FGF12: variants seen among roughly 807,000 people sequenced by gnomAD.
FGF12 encodes the protein fibroblast growth factor 12B.
FGF12 carries 14 observed loss-of-function variants against 23.6 expected under a neutral mutation model. The observed-to-expected ratio is 0.59, with a 90% CI of 0.39 to 0.93. The LOEUF is 0.93. Ranked by LOEUF, FGF12 falls within the 40% of genes least tolerant of loss-of-function variation. The pLI, the probability that FGF12 is intolerant of heterozygous loss-of-function variation, is 0.00. For missense variants in FGF12, 175 were observed against 217.8 expected (o/e 0.80, Z 1.24); for synonymous variants, 62 against 77.3 (o/e 0.80, Z 1.04).
chr3:192,223,472 A>T (rs1318946304), intron 4 of FGF12, among the ~76,000 whole-genome samples: 2 of 152,196 alleles, frequency 1.3e-5, no homozygotes, highest in Non-Finnish European at 2.9e-5. Context: ...TATAATCCAG[A>T]TCATGAGATC....
intron 4 of FGF12, among the ~76,000 whole-genome samples, chr3:192,304,571 A>G (rs1019256891): frequency 1.3e-5 from 2 of 152,038 alleles, no homozygotes; most frequent in East Asian, 3.9e-4. Flanking sequence ...CTCAATTCTC[A>G]CTCAACTCCA....
intron 2 of FGF12, among the ~76,000 whole-genome samples, chr3:192,682,253 T>C (rs1717557125): frequency 6.6e-6 from 1 of 152,198 alleles, no homozygotes; most frequent in South Asian, 2.1e-4. Flanking sequence ...TTATCTGCTA[T>C]AAGCCCCTGA....
At chr3:192,548,027 A>T (rs1725539253) in intron 2 of FGF12, among the ~76,000 whole-genome samples, 1 of 152,190 alleles carries the variant, frequency 6.6e-6, no homozygotes, top group Admixed American at 6.5e-5. Context: ...AAACTTTCCA[A>T]CTACTACAGG....
chr3:192,305,541 C>T (rs1256174796), intron 4 of FGF12, among the ~76,000 whole-genome samples: 3 of 151,764 alleles, frequency 2.0e-5, no homozygotes, highest in Non-Finnish European at 2.9e-5. Flanking sequence ...AGACACACAC[C>T]TCAGCCAATA....
chr3:192,234,813 C>T (rs545182193), intron 4 of FGF12, among the ~76,000 whole-genome samples: 31 of 152,140 alleles, frequency 2.0e-4, no homozygotes, highest in Non-Finnish European at 3.8e-4. Context: ...TAATTTTTGC[C>T]TTTAGCTCTG....
chr3:192,467,281 C>T (rs1461096538), intron 2 of FGF12, among the ~76,000 whole-genome samples: 2 of 152,210 alleles, frequency 1.3e-5, no homozygotes, highest in Non-Finnish European at 2.9e-5. Flanking sequence ...AGGCAGTTCA[C>T]TCTCCCTCTA....
At chr3:192,239,690 G>A (rs1719496403) in intron 4 of FGF12, among the ~76,000 whole-genome samples, 1 of 152,192 alleles carries the variant, frequency 6.6e-6, no homozygotes, top group South Asian at 2.1e-4. Context: ...TCTAGGCTGA[G>A]CGCTGTTGGT....
chr3:192,217,605 T>C (rs941976136), intron 4 of FGF12, among the ~76,000 whole-genome samples: 3 of 152,232 alleles, frequency 2.0e-5, no homozygotes, highest in African/African-American at 7.2e-5. Context: ...ATAATGGTTT[T>C]ATGAATAACT....
chr3:192,682,991 C>A (rs1717590431), intron 2 of FGF12, among the ~76,000 whole-genome samples: 1 of 152,164 alleles, frequency 6.6e-6, no homozygotes, highest in Non-Finnish European at 1.5e-5. Context: ...CATAAAAGCT[C>A]AATATTTGAA....
At chr3:192,699,687 C>G (rs1286653859) in intron 2 of FGF12, among the ~76,000 whole-genome samples, 1 of 152,170 alleles carries the variant, frequency 6.6e-6, no homozygotes, top group African/African-American at 2.4e-5. Context: ...AGCTTGACCT[C>G]CCATTCCAAT....
At chr3:192,700,519 A>G (rs902322616) in intron 2 of FGF12, among the ~76,000 whole-genome samples, 4 of 152,214 alleles carry the variant, frequency 2.6e-5, no homozygotes, top group African/African-American at 9.6e-5. Context: ...TCTGACCACC[A>G]TATCTCCTTG....
chr3:192,565,023 C>T (rs1181132482), intron 2 of FGF12, among the ~76,000 whole-genome samples: 2 of 152,170 alleles, frequency 1.3e-5, no homozygotes, highest in Non-Finnish European at 2.9e-5. Context: ...CTACATAAAA[C>T]ATTTTGAACA....
At chr3:192,614,149 C>T (rs1379459861) in intron 2 of FGF12, among the ~76,000 whole-genome samples, 1 of 151,924 alleles carries the variant, frequency 6.6e-6, no homozygotes, top group African/African-American at 2.4e-5. Flanking sequence ...ATCCCTACCA[C>T]AGATCATTTT....
chr3:192,318,760 C>A (rs919621912), intron 4 of FGF12, among the ~76,000 whole-genome samples: 7 of 151,740 alleles, frequency 4.6e-5, no homozygotes, highest in South Asian at 2.1e-4. Context: ...GCAGATTTAA[C>A]CCCAAAAAAG....
chr3:192,376,882 C>T lies in FGF12; in HGVS notation c.14-16344G>A, dbSNP rs140936248. Among the ~76,000 whole-genome samples the T allele has an allele frequency of 3.1e-3, 474 of 152,266 alleles. 3 individuals are homozygous for T. The highest frequency in any genetic ancestry group is 0.011 in the African/African-American group (462 of 41,538). The stretch of plus-strand genomic sequence containing the variant: ...TATATCCTTGTATGGTTTCAATTAT[C>T]AGACTGAGATTTTCCTCAGAGAAAG... On this transcript the variant is annotated intron_variant, in intron 2 of 5. Transcript: ENST00000445105.
chr3:192,203,945 G>A lies in FGF12; in HGVS notation c.229-33289C>T, dbSNP rs549193846. ...ATGATTTCAATTTTAGACATGTCAG[G>A]GGCCTCCCTGAATAACTGCACTTTT... On this transcript the variant is annotated intron_variant, in intron 4 of 5. Coordinates refer to ENST00000445105, the MANE Select transcript of FGF12 (RefSeq NM_004113.6). Among the ~76,000 whole-genome samples the A allele has an allele frequency of 3.5e-4, 53 of 151,974 alleles. 1 individual carries two copies. In the South Asian group the frequency reaches 1.0e-2, roughly 29 times the overall value.
chr3:192,532,977 A>C (rs1378967738), intron 2 of FGF12, among the ~76,000 whole-genome samples: 6 of 152,150 alleles, frequency 3.9e-5, no homozygotes, highest in Non-Finnish European at 2.9e-5. Context: ...ACACCATCAC[A>C]AGAAAACAAA....
At chr3:192,562,993 C>T (rs1304938391) in intron 2 of FGF12, among the ~76,000 whole-genome samples, 1 of 152,040 alleles carries the variant, frequency 6.6e-6, no homozygotes, top group African/African-American at 2.4e-5. Flanking sequence ...ATGAGTATGA[C>T]CAGGGTAATA....
At chr3:192,305,093 AG>A (rs1715551340) in intron 4 of FGF12, among the ~76,000 whole-genome samples, 2 of 152,184 alleles carry the variant, frequency 1.3e-5, no homozygotes, top group Non-Finnish European at 2.9e-5. Flanking sequence ...ATAAGGAGAA[AG>A]GAAAGATGGA....
Sources: gnomAD v4.1 joint callset for allele counts (sites outside exome capture counted in the v4.1 genomes callset) on GRCh38, gnomAD v4.1.1 for gene constraint, MANE v1.5 for transcripts, NCBI Gene and HGNC (gene_info 2026-07-23, HGNC 2026-07-21) for gene names.